The following RSU1 variants were observed in gnomAD, a reference collection of about 807,000 sequenced individuals.
The protein encoded by RSU1 is Ras suppressor protein 1.
A neutral mutation model predicts 31.1 loss-of-function variants in RSU1; 26 were observed. The observed-to-expected ratio is 0.84, with a 90% CI of 0.61 to 1.16. The LOEUF (loss-of-function observed/expected upper bound fraction) is 1.16, where lower values mean the gene tolerates loss of function less well. Ranked by LOEUF, RSU1 falls within the 50% of genes most tolerant of loss-of-function variation. The pLI, the probability that RSU1 is intolerant of heterozygous loss-of-function variation, is 0.00. For synonymous variants in RSU1, 164 were observed against 136.3 expected, an observed-to-expected ratio of 1.20 and a Z score of -1.41; for missense variants, 320 against 339.1, an observed-to-expected ratio of 0.94 and a Z score of 0.44.
chr10:16,796,856 C>T (rs1027049106), intron 2 of RSU1, among the ~76,000 whole-genome samples: 2 of 152,106 alleles, frequency 1.3e-5, no homozygotes, highest in East Asian at 1.9e-4. Context: ...AGTGTCCCCA[C>T]AAAAAACTCC....
At chr10:16,722,695 T>C (rs7094316) in intron 7 of RSU1, among the ~76,000 whole-genome samples, 69,950 of 151,478 alleles carry the variant, frequency 0.46, 16,857 homozygotes, top group East Asian at 0.69. Context: ...TTCCAGACAA[T>C]AGAGGTTAGA....
intron 8 of RSU1, among the ~76,000 whole-genome samples, chr10:16,622,960 C>T (rs1040163378): frequency 1.3e-5 from 2 of 152,014 alleles, no homozygotes; most frequent in African/African-American, 2.4e-5. Context: ...TGTGAGACTA[C>T]AACTCAACTT....
intron 8 of RSU1, among the ~76,000 whole-genome samples, chr10:16,649,016 C>T (rs938206284): frequency 1.3e-5 from 2 of 152,242 alleles, no homozygotes; most frequent in Middle Eastern, 3.4e-3. Context: ...CGTTCTGAGA[C>T]TTTTAAATGG....
At chr10:16,645,175 G>A (rs10508501) in intron 8 of RSU1, among the ~76,000 whole-genome samples, 33,214 of 152,088 alleles carry the variant, frequency 0.22, 4,193 homozygotes, top group South Asian at 0.41. Context: ...TGCAAATTTC[G>A]TAAACATAAA....
intron 7 of RSU1, among the ~76,000 whole-genome samples, chr10:16,739,106 T>C (rs1836697330): frequency 6.6e-6 from 1 of 152,224 alleles, no homozygotes; most frequent in African/African-American, 2.4e-5. Flanking sequence ...TTATCCAGTC[T>C]ATCATTGATG....
intron 2 of RSU1, among the ~76,000 whole-genome samples, chr10:16,791,018 T>C (rs925315830): frequency 2.0e-5 from 3 of 152,114 alleles, no homozygotes; most frequent in African/African-American, 7.2e-5. Flanking sequence ...GGATATAACA[T>C]GGAAGGAGTG....
At chr10:16,782,184 C>T (rs1274877951) in intron 2 of RSU1, 100 bp from the exon 3 acceptor site, 9 of 869,782 alleles carry the variant, frequency 1.0e-5, no homozygotes, top group Non-Finnish European at 1.7e-5. Flanking sequence ...GTTATTTTCA[C>T]AGGTTGAAGC....
At chr10:16,698,645 G>A (rs1435313526) in intron 7 of RSU1, among the ~76,000 whole-genome samples, 1 of 152,148 alleles carries the variant, frequency 6.6e-6, no homozygotes, top group African/African-American at 2.4e-5. Flanking sequence ...CTATTTAGGT[G>A]CTGTCAGTGG....
chr10:16,756,653 A>G lies in RSU1; in HGVS notation c.282-1664T>C, dbSNP rs1837092423. On this transcript the variant is annotated intron_variant, in intron 4 of 8. Transcript: ENST00000345264. The stretch of plus-strand genomic sequence containing the variant: ...GTAACATACAAAATATGTGTTCATC[A>G]ACTATTTCTAGTTTTGGTAAGGCTT... Among the ~76,000 whole-genome samples the G allele has an allele frequency of 2.0e-5, 3 of 152,260 alleles. No individual in the cohort carries two copies. In the South Asian group the frequency reaches 6.2e-4, roughly 32 times the overall value.
At chr10:16,603,082 A>G (rs1833739093) in intron 8 of RSU1, among the ~76,000 whole-genome samples, 1 of 152,142 alleles carries the variant, frequency 6.6e-6, no homozygotes, top group Admixed American at 6.5e-5. Flanking sequence ...AGATGGTTCC[A>G]TGCAATTTAC....
chr10:16,747,594 C>T (rs549207067), intron 7 of RSU1, among the ~76,000 whole-genome samples: 2 of 152,312 alleles, frequency 1.3e-5, no homozygotes, highest in African/African-American at 4.8e-5. Context: ...TTACTTCTAC[C>T]ACTACCAGTA....
At chr10:16,709,147 TC>T (rs1313435761) in intron 7 of RSU1, among the ~76,000 whole-genome samples, 1 of 151,696 alleles carries the variant, frequency 6.6e-6, no homozygotes, top group African/African-American at 2.4e-5. Context: ...CCTCCCCCCT[TC>T]CCCCACCCCA....
At chr10:16,746,461 G>T (rs1836857314) in intron 7 of RSU1, among the ~76,000 whole-genome samples, 1 of 152,020 alleles carries the variant, frequency 6.6e-6, no homozygotes, top group Non-Finnish European at 1.5e-5. Flanking sequence ...TCCCATTACT[G>T]CCTAGAAGCC....
chr10:16,717,424 A>T (rs1836166277), intron 7 of RSU1, among the ~76,000 whole-genome samples: 1 of 152,228 alleles, frequency 6.6e-6, no homozygotes, highest in Non-Finnish European at 1.5e-5. Context: ...TTTTTAGGTT[A>T]TATATTAACA....
At chr10:16,757,454 A>C (rs962872861) in intron 4 of RSU1, among the ~76,000 whole-genome samples, 13 of 152,194 alleles carry the variant, frequency 8.5e-5, no homozygotes, top group African/African-American at 3.1e-4. Flanking sequence ...CTTCCCAGAC[A>C]GACTACACCC....
At chr10:16,748,169 C>T (rs1836896266) in intron 7 of RSU1, 1 of 152,208 alleles carries the variant, frequency 6.6e-6, no homozygotes, top group African/African-American at 2.4e-5. Context: ...TAGTCTCTTA[C>T]TGTTGTAGAG....
In RSU1 at chr10:16,593,326, C is replaced by A; in HGVS notation, c.*68G>T. 6.2e-7 allele frequency: 1 copy of A among 1,603,534 alleles called. No homozygotes were observed. Among genetic ancestry groups the A allele is most frequent in the Non-Finnish European group, 8.5e-7 (1 of 1,174,256 alleles). On this transcript the variant is annotated 3_prime_UTR_variant, in exon 9 of 9. Coordinates refer to ENST00000345264, the MANE Select transcript of RSU1 (RefSeq NM_012425.4). ...CGCAGCATTGGGTTTATTTGAGAGACAGGGCAAGAGAGAATGAAGTGTTGG... is the reference window on the plus strand; with the variant it reads ...CGCAGCATTGGGTTTATTTGAGAGAAAGGGCAAGAGAGAATGAAGTGTTGG...
chr10:16,660,579 A>G (rs1016974272), intron 8 of RSU1, among the ~76,000 whole-genome samples: 4 of 145,002 alleles, frequency 2.8e-5, no homozygotes, highest in South Asian at 4.4e-4. Context: ...ACTGTTTTTC[A>G]TCTCGTTACT....
At chr10:16,685,611 G>A (rs931082309) in intron 8 of RSU1, among the ~76,000 whole-genome samples, 2 of 152,170 alleles carry the variant, frequency 1.3e-5, no homozygotes, top group African/African-American at 2.4e-5. Flanking sequence ...CAGTGAGGAC[G>A]ACCAGAGGTT....
Sources: allele counts gnomAD v4.1 joint callset (sites outside exome capture counted in the v4.1 genomes callset), GRCh38; gene constraint gnomAD v4.1.1; transcripts MANE v1.5; gene names NCBI Gene and HGNC (gene_info 2026-07-23, HGNC 2026-07-21).